The following MUCL1 variants were observed in gnomAD, a reference collection of about 807,000 sequenced individuals.
MUCL1 encodes the protein mucin like 1.
Under a neutral mutation model 9.2 loss-of-function variants are expected in MUCL1, and 11 were observed. That is an observed-to-expected ratio of 1.19 (90% CI 0.75 to 1.97). MUCL1 has a LOEUF of 1.97. Ranked by LOEUF, MUCL1 falls within the 30% of genes most tolerant of loss-of-function variation. The pLI, the probability that MUCL1 is intolerant of heterozygous loss-of-function variation, is 0.00. For missense variants in MUCL1, 144 were observed against 110.9 expected, an observed-to-expected ratio of 1.30 and a Z score of -1.34; for synonymous variants, 48 against 40.5, an observed-to-expected ratio of 1.19 and a Z score of -0.71.
At chr12:54,844,516 C>T (rs1370084393) in intron 1 of MUCL1, among the ~76,000 whole-genome samples, 1 of 152,218 alleles carries the variant, frequency 6.6e-6, no homozygotes, top group African/African-American at 2.4e-5. Context: ...TCTCATCTCT[C>T]TCTAACTTGT....
At chr12:54,839,236 C>T, upstream of MUCL1, 1 of 619,228 alleles carries the variant, frequency 1.6e-6, no homozygotes, top group East Asian at 2.8e-5. Context: ...GTGGCTTACT[C>T]AGCTACTGGT....
chr12:54,858,225 G>T lies in MUCL1; in HGVS notation c.256G>T (p.Gly86Cys). The stretch of plus-strand genomic sequence containing the variant: ...CAAATGGGTTGGGGATCTCCCGAAT[G>T]GTAGAGTGTGTCCCTGAGATGGAAT... ...LPKWVGDLPN[G>C]RVCP The change falls in exon 4 of 4, where the codon GGT (glycine) becomes TGT (cysteine). Residue 86 changes from glycine (G) to cysteine (C), a missense_variant. Physicochemically the swap from Gly to Cys is radical, Grantham distance 159. Coordinates refer to ENST00000308796, the MANE Select transcript of MUCL1 (RefSeq NM_058173.3). The T allele has an allele frequency of 6.2e-7, 1 of 1,613,492 alleles. No homozygotes were observed. The highest frequency in any genetic ancestry group is 1.1e-5 in the South Asian group (1 of 91,058).
At chr12:54,852,799 G>A (rs1868265093), upstream of MUCL1, among the ~76,000 whole-genome samples, 2 of 151,844 alleles carry the variant, frequency 1.3e-5, no homozygotes, top group South Asian at 4.2e-4. Flanking sequence ...TTCCCTACGG[G>A]GTATAATCAG....
upstream of MUCL1, among the ~76,000 whole-genome samples, chr12:54,835,606 G>T (rs1592244929): frequency 1.4e-5 from 2 of 140,426 alleles, no homozygotes; most frequent in Non-Finnish European, 1.6e-5. Flanking sequence ...TGATGGGATT[G>T]TTTTTTTTTT....
chr12:54,853,458 C>A (rs1361111810), upstream of MUCL1, among the ~76,000 whole-genome samples: 1 of 152,194 alleles, frequency 6.6e-6, no homozygotes, highest in Non-Finnish European at 1.5e-5. Flanking sequence ...GTCTGGATGA[C>A]CATATTCTAC....
chr12:54,839,787 G>A (rs1274392243), intron 1 of MUCL1, among the ~76,000 whole-genome samples: 1 of 152,134 alleles, frequency 6.6e-6, no homozygotes, highest in Non-Finnish European at 1.5e-5. Flanking sequence ...GCTGTGTACA[G>A]GTGCACCCAT....
At chr12:54,842,382 TTTTAA>T (rs774306368) in intron 1 of MUCL1, among the ~76,000 whole-genome samples, 6 of 152,276 alleles carry the variant, frequency 3.9e-5, no homozygotes, top group African/African-American at 4.8e-5. Context: ...ATTTATTCAT[TTTTAA>T]TTGACAAAAA....
chr12:54,834,369 G>C (rs564634070), upstream of MUCL1, among the ~76,000 whole-genome samples: 1 of 151,988 alleles, frequency 6.6e-6, no homozygotes, highest in Non-Finnish European at 1.5e-5. Context: ...ATCAGTCACT[G>C]TATATTTGTG....
upstream of MUCL1, among the ~76,000 whole-genome samples, chr12:54,853,087 T>C (rs571724059): frequency 1.3e-5 from 2 of 152,266 alleles, no homozygotes; most frequent in East Asian, 3.9e-4. Flanking sequence ...AGTAGACTGG[T>C]TGCTGTTATC....
At chr12:54,844,555 C>T (rs965256670) in intron 1 of MUCL1, among the ~76,000 whole-genome samples, 1 of 152,292 alleles carries the variant, frequency 6.6e-6, no homozygotes, top group East Asian at 1.9e-4. Flanking sequence ...AAACTGATGA[C>T]ACTTTTGACA....
At chr12:54,854,665 A>G (rs780477669) in intron 1 of MUCL1, 25 bp downstream of exon 1, 11 of 1,600,442 alleles carry the variant, frequency 6.9e-6, no homozygotes, top group Middle Eastern at 3.3e-4. Flanking sequence ...TTACCTGAAC[A>G]TAAGTTTTGT....
chr12:54,841,337 C>T (rs568901315), intron 1 of MUCL1, among the ~76,000 whole-genome samples: 1 of 152,282 alleles, frequency 6.6e-6, no homozygotes, highest in South Asian at 2.1e-4. Flanking sequence ...CTATAAGATG[C>T]TGATTTCCTT....
chr12:54,837,075 C>G (rs1959194001), upstream of MUCL1, among the ~76,000 whole-genome samples: 1 of 152,040 alleles, frequency 6.6e-6, no homozygotes, highest in African/African-American at 2.4e-5. Flanking sequence ...GTAGAATGTT[C>G]TGTAAATATT....
At chr12:54,855,495 T>C in intron 2 of MUCL1, 1 of 279,418 alleles carries the variant, frequency 3.6e-6, no homozygotes, top group South Asian at 4.9e-5. Flanking sequence ...AAGGACTGAA[T>C]ATATAGCCAG....
At chr12:54,837,808 T>C (rs1285180107), upstream of MUCL1, among the ~76,000 whole-genome samples, 1 of 152,114 alleles carries the variant, frequency 6.6e-6, no homozygotes, top group Non-Finnish European at 1.5e-5. Flanking sequence ...TCAATGCTTA[T>C]ATTTTAGGTG....
At chr12:54,846,551 T>A (rs1174799771) in intron 1 of MUCL1, among the ~76,000 whole-genome samples, 1 of 152,102 alleles carries the variant, frequency 6.6e-6, no homozygotes, top group African/African-American at 2.4e-5. Flanking sequence ...GGGAAAAAGA[T>A]AGGGCAATGA....
intron 1 of MUCL1, among the ~76,000 whole-genome samples, chr12:54,844,867 G>GA (rs1243912022): frequency 6.6e-6 from 1 of 152,046 alleles, no homozygotes; most frequent in Admixed American, 6.6e-5. Context: ...TATTTCTGCA[G>GA]AAAAAAACCA....
rs530464650 is a variant in MUCL1, at chr12:54,832,764, T to C, written n.357+1889T>C. ...TCTGGTAAAAATAATTTATATTATT[T>C]GATATGTTAAGCTGAATGGAAATGT... On this transcript the variant is annotated intron_variant and non_coding_transcript_variant, in intron 1 of 3. Coordinates refer to the MUCL1 transcript ENST00000547990. 1.7e-4 allele frequency among the ~76,000 whole-genome samples: 26 copies of C among 152,218 alleles called. No homozygotes were observed. In the South Asian group the frequency reaches 5.0e-3, roughly 29 times the overall value.
chr12:54,840,852 G>A (rs568074248), intron 1 of MUCL1, among the ~76,000 whole-genome samples: 1 of 152,304 alleles, frequency 6.6e-6, no homozygotes, highest in East Asian at 1.9e-4. Flanking sequence ...TGGCAAAGCA[G>A]GCCTCATACC....
Sources: gnomAD v4.1 joint callset for allele counts (sites outside exome capture counted in the v4.1 genomes callset) on GRCh38, gnomAD v4.1.1 for gene constraint, MANE v1.5 for transcripts, NCBI Gene and HGNC (gene_info 2026-07-23, HGNC 2026-07-21) for gene names.